The following PCDHGA4 variants were observed in gnomAD, a reference collection of about 807,000 sequenced individuals.
The protein encoded by PCDHGA4 is protocadherin gamma subfamily A, 4.
PCDHGA4 carries 38 observed loss-of-function variants against 54.6 expected under a neutral mutation model. The observed-to-expected ratio is 0.70, with a 90% CI of 0.54 to 0.91. The LOEUF (loss-of-function observed/expected upper bound fraction) is 0.91, where lower values mean the gene tolerates loss of function less well. Among genes scored for constraint, PCDHGA4 ranks in the 40% least tolerant of loss-of-function variants. The pLI is 0.00. For missense variants in PCDHGA4, 1,298 were observed against 1,220.9 expected, an observed-to-expected ratio of 1.06 and a Z score of -0.94; for synonymous variants, 511 against 512.9, an observed-to-expected ratio of 1.00 and a Z score of 0.05.
intron 1 of PCDHGA4, chr5:141,418,103 G>A: frequency 1.2e-6 from 2 of 1,614,076 alleles, no homozygotes; most frequent in African/African-American, 1.3e-5. Flanking sequence ...CGCGCAGAGC[G>A]GGGACTTACT....
At chr5:141,420,284 TA>T in intron 1 of PCDHGA4, 2 of 1,505,934 alleles carry the variant, frequency 1.3e-6, no homozygotes, top group East Asian at 2.3e-5. Context: ...GGTAAGTATT[TA>T]AAAATGTATT....
At chr5:141,371,576 C>T in intron 1 of PCDHGA4, 2 of 1,613,882 alleles carry the variant, frequency 1.2e-6, no homozygotes, top group Non-Finnish European at 1.7e-6. Flanking sequence ...CCTTTAAAAT[C>T]GTTCAAGATA....
chr5:141,460,979 GTGTGTATATATATATA>G (rs2099004425), intron 1 of PCDHGA4, among the ~76,000 whole-genome samples: 1 of 134,290 alleles, frequency 7.4e-6, no homozygotes, highest in Non-Finnish European at 1.5e-5. Flanking sequence ...GTGTGTGTGT[GTGTGTATATATATATA>G]TGTGTATATA....
chr5:141,409,416 T>G (rs770750853), intron 1 of PCDHGA4: 1 of 1,613,964 alleles, frequency 6.2e-7, no homozygotes, highest in South Asian at 1.1e-5. Flanking sequence ...TACAAACTGG[T>G]GACAGATGGA....
intron 1 of PCDHGA4, chr5:141,376,827 C>T (rs954435109): frequency 2.9e-5 from 8 of 271,594 alleles, no homozygotes; most frequent in Middle Eastern, 1.2e-3. Flanking sequence ...GCTGGGACTA[C>T]AGGCGCCCGC....
intron 1 of PCDHGA4, chr5:141,415,740 G>GTTTTTTTTTTTTTGTTT (rs2095912299): frequency 1.9e-6 from 1 of 515,998 alleles, no homozygotes; most frequent in Non-Finnish European, 2.6e-6. Context: ...GTTTATTAAG[G>GTTTTTTTTTTTTTGTTT]TTTTTTTTTT....
rs781586915 is a variant in PCDHGA4, at chr5:141,389,444, C to G, written c.2514+31823C>G. 7.0e-5 allele frequency: 112 copies of G among 1,610,446 alleles called. No homozygotes were observed. Among genetic ancestry groups the G allele is most frequent in the Middle Eastern group, 1.7e-4 (1 of 5,992 alleles). On this transcript the variant is annotated intron_variant, in intron 1 of 3. Transcript: ENST00000571252. Reference sequence around the variant, plus strand: ...TGTTCGCGCAGCGCGCCTTCGACCACGAGCAGCTGCGCGCCTTCGAACTCA... The same window carrying G: ...TGTTCGCGCAGCGCGCCTTCGACCAGGAGCAGCTGCGCGCCTTCGAACTCA...
Position 141,448,073 on chromosome 5 carries a change from C to T in PCDHGA4, c.2515-46734C>T, listed in dbSNP as rs1025112556. ...TGCTCTCCAGCCTGGGCAACATGAA[C>T]GAAATGCCATCTTAAAAAAAAAAAA... On this transcript the variant is annotated intron_variant, in intron 1 of 3. Coordinates refer to ENST00000571252, the MANE Select transcript of PCDHGA4 (RefSeq NM_018917.4). 3.3e-5 allele frequency among the ~76,000 whole-genome samples: 5 copies of T among 151,432 alleles called. No individual in the cohort carries two copies. In the East Asian group the frequency reaches 5.8e-4, roughly 18 times the overall value.
At chr5:141,507,724 G>A (rs2099862962) in intron 3 of PCDHGA4, among the ~76,000 whole-genome samples, 1 of 152,256 alleles carries the variant, frequency 6.6e-6, no homozygotes. Context: ...CTCCAAGCAA[G>A]TCATGCAGCT....
Position 141,356,925 on chromosome 5 carries a change from G to A in PCDHGA4, c.1818G>A (p.Val606=). 6.2e-7 allele frequency: 1 copy of A among 1,614,212 alleles called. No individual in the cohort carries two copies. The part of the protein sequence containing the change: ...PTFPTDGSTG[V]ELAPRSADSG... ...TCCCTACTGATGGCTCCACTGGTGT[G>A]GAGCTGGCACCCCGCTCCGCAGATT... is the stretch of plus-strand genomic sequence containing the variant. Residue 606 remains valine (V), a synonymous_variant, in exon 1 of 4, where the codon GTG becomes GTA. Transcript: ENST00000571252.
intron 1 of PCDHGA4, chr5:141,364,619 G>T (rs764798507): frequency 6.2e-6 from 10 of 1,614,152 alleles, no homozygotes; most frequent in Non-Finnish European, 8.5e-6. Context: ...GGAGCTCTGC[G>T]CTCAGAGCCC....
intron 1 of PCDHGA4, chr5:141,392,917 T>C: frequency 2.5e-6 from 4 of 1,613,922 alleles, no homozygotes; most frequent in Non-Finnish European, 3.4e-6. Context: ...CGCTACTCTG[T>C]GCCAGAAGAG....
intron 1 of PCDHGA4, chr5:141,419,649 A>C: frequency 6.2e-7 from 1 of 1,612,422 alleles, no homozygotes; most frequent in Non-Finnish European, 8.5e-7. Context: ...GTGGACGCGG[A>C]CTCGGGGCAC....
chr5:141,405,648 G>A (rs936380418), intron 1 of PCDHGA4: 3 of 523,734 alleles, frequency 5.7e-6, no homozygotes, highest in East Asian at 3.2e-5. Flanking sequence ...CTAATTTTTT[G>A]TGTGTTTTTA....
intron 1 of PCDHGA4, chr5:141,419,682 T>C (rs758536078): frequency 6.2e-7 from 1 of 1,612,950 alleles, no homozygotes; most frequent in Non-Finnish European, 8.5e-7. Flanking sequence ...TCCTACCACG[T>C]GGTGCAGGCC....
rs1258181913 is a variant in PCDHGA4, at chr5:141,366,360, G to A, written c.2514+8739G>A. ...CCTGACATCCTGGCTGACCTAGGCA[G>A]TATCAAGACCCCCATTGACCCTGAG... On this transcript the variant is annotated intron_variant, in intron 1 of 3. Coordinates refer to ENST00000571252, the MANE Select transcript of PCDHGA4 (RefSeq NM_018917.4). The A allele has an allele frequency of 9.3e-6, 15 of 1,614,022 alleles. No homozygotes were observed. The highest frequency in any genetic ancestry group is 1.3e-5 in the African/African-American group (1 of 75,076).
At chr5:141,459,632 A>G (rs1202000974) in intron 1 of PCDHGA4, among the ~76,000 whole-genome samples, 1 of 152,214 alleles carries the variant, frequency 6.6e-6, no homozygotes, top group East Asian at 1.9e-4. Flanking sequence ...AAGCTGCCAA[A>G]CTATTTTTCA....
rs752472089 is a variant in PCDHGA4, at chr5:141,389,501, G to T, written c.2514+31880G>T. The T allele has an allele frequency of 3.7e-6, 6 of 1,612,948 alleles. No individual in the cohort carries two copies. In the East Asian group the frequency reaches 6.7e-5, roughly 18 times the overall value. On this transcript the variant is annotated intron_variant, in intron 1 of 3. Transcript: ENST00000571252. Reference sequence around the variant, plus strand: ...AGGCCCGCGACCAGGGCTCGCCAGCGCTCAGCGCGAACGTGAGCCTGCGCG... The same window carrying T: ...AGGCCCGCGACCAGGGCTCGCCAGCTCTCAGCGCGAACGTGAGCCTGCGCG...
At chr5:141,427,153 T>C (rs2096993361) in intron 1 of PCDHGA4, 1 of 456,886 alleles carries the variant, frequency 2.2e-6, no homozygotes, top group Non-Finnish European at 4.4e-6. Context: ...GGAAATATGT[T>C]TGTGCTAGAC....
Sources: gnomAD v4.1 joint callset for allele counts (sites outside exome capture counted in the v4.1 genomes callset) on GRCh38, gnomAD v4.1.1 for gene constraint, MANE v1.5 for transcripts, NCBI Gene and HGNC (gene_info 2026-07-23, HGNC 2026-07-21) for gene names.